The following ESYT2 variants were observed in gnomAD, a reference collection of about 807,000 sequenced individuals.
ESYT2 encodes the protein extended synaptotagmin-2.
Under a neutral mutation model 107.2 loss-of-function variants are expected in ESYT2, and 54 were observed. The observed-to-expected ratio is 0.50, with a 90% CI of 0.40 to 0.63. The LOEUF (loss-of-function observed/expected upper bound fraction) is 0.63. ESYT2 is among the 30% of genes least tolerant of loss of function. ESYT2 has a pLI of 0.00. For synonymous variants in ESYT2, 491 were observed against 434.1 expected (o/e 1.13, Z -1.63); for missense variants, 1,020 against 1,094.5 (o/e 0.93, Z 0.96).
At chr7:158,736,079 G>A (rs1053119765) in intron 20 of ESYT2, among the ~76,000 whole-genome samples, 3 of 152,218 alleles carry the variant, frequency 2.0e-5, no homozygotes, top group African/African-American at 4.8e-5. Context: ...AAGCACTCCC[G>A]ATGCTCAGCC....
intron 11 of ESYT2, 80 bp downstream of exon 11, chr7:158,761,416 G>A (rs995962961): frequency 2.5e-6 from 3 of 1,184,046 alleles, no homozygotes. Context: ...GATGGTGAAG[G>A]GGTGGTTCGT....
chr7:158,749,530 G>A lies in ESYT2; in HGVS notation c.1557+119C>T, dbSNP rs112563161. The A allele has an allele frequency of 1.4e-3, 1,158 of 849,488 alleles. 9 individuals are homozygous for A. In the African/African-American group the frequency reaches 0.018, roughly 13 times the overall value. The allele number at this position is 849,488 out of a possible 1,614,324, so 52.6% of individuals were successfully genotyped here. On this transcript the variant is annotated intron_variant, in intron 15 of 22. Transcript: ENST00000275418. Reference sequence around the variant, plus strand: ...AATAGATCTGAAAAGCCCTGGTCTCGATGCCCACGCTATCACACAACTGAA... The same window carrying A: ...AATAGATCTGAAAAGCCCTGGTCTCAATGCCCACGCTATCACACAACTGAA...
chr7:158,820,789 A>G (rs1222604718), intron 1 of ESYT2, among the ~76,000 whole-genome samples: 1 of 152,198 alleles, frequency 6.6e-6, no homozygotes, highest in Non-Finnish European at 1.5e-5. Context: ...TTGTGTCAAA[A>G]AATAAATAAA....
At chr7:158,773,832 A>T (rs1838458279) in intron 6 of ESYT2, among the ~76,000 whole-genome samples, 1 of 152,224 alleles carries the variant, frequency 6.6e-6, no homozygotes, top group Admixed American at 6.5e-5. Flanking sequence ...TGCCCTCCAA[A>T]AATACTGTAT....
At chr7:158,779,311 T>C (rs1046191966) in intron 6 of ESYT2, among the ~76,000 whole-genome samples, 7 of 152,152 alleles carry the variant, frequency 4.6e-5, no homozygotes, top group African/African-American at 1.4e-4. Flanking sequence ...TGTGAGGCTG[T>C]AGTAGTGTGC....
intron 19 of ESYT2, among the ~76,000 whole-genome samples, chr7:158,737,816 A>C (rs1837021698): frequency 6.6e-6 from 1 of 152,232 alleles, no homozygotes; most frequent in African/African-American, 2.4e-5. Flanking sequence ...ATAAGCACCA[A>C]ATTTTTATAT....
chr7:158,786,113 C>A (rs760759807), intron 6 of ESYT2, among the ~76,000 whole-genome samples: 1 of 151,600 alleles, frequency 6.6e-6, no homozygotes, highest in Non-Finnish European at 1.5e-5. Flanking sequence ...AACTTCTCAG[C>A]CCCATCCTTC....
At chr7:158,778,869 T>C (rs1206435201) in intron 6 of ESYT2, among the ~76,000 whole-genome samples, 1 of 151,578 alleles carries the variant, frequency 6.6e-6, no homozygotes, top group Non-Finnish European at 1.5e-5. Flanking sequence ...TTTAACATGC[T>C]CCCAAGAAAA....
intron 7 of ESYT2, 144 bp downstream of exon 7, chr7:158,773,197 T>C: frequency 1.1e-6 from 1 of 903,834 alleles, no homozygotes; most frequent in Non-Finnish European, 1.8e-6. Context: ...TACCCTCTGC[T>C]TGTTTCTCAC....
intron 6 of ESYT2, among the ~76,000 whole-genome samples, chr7:158,785,470 T>C (rs1039209065): frequency 1.4e-5 from 2 of 141,882 alleles, no homozygotes; most frequent in African/African-American, 5.5e-5. Context: ...AATAAATAAA[T>C]AAATCACCTC....
At chr7:158,770,507 T>TTA (rs200723436) in intron 7 of ESYT2, among the ~76,000 whole-genome samples, 11 of 150,106 alleles carry the variant, frequency 7.3e-5, no homozygotes, top group Admixed American at 1.3e-4. Context: ...ACATATACGA[T>TTA]TATATATATA....
At chr7:158,765,929 GT>G (rs1242279266) in intron 8 of ESYT2, among the ~76,000 whole-genome samples, 1 of 152,084 alleles carries the variant, frequency 6.6e-6, no homozygotes, top group African/African-American at 2.4e-5. Flanking sequence ...GCCAGGTGCG[GT>G]GACTCACGCC....
intron 6 of ESYT2, among the ~76,000 whole-genome samples, chr7:158,786,113 C>T (rs760759807): frequency 1.7e-4 from 26 of 151,600 alleles, no homozygotes; most frequent in Non-Finnish European, 2.9e-4. Flanking sequence ...AACTTCTCAG[C>T]CCCATCCTTC....
intron 8 of ESYT2, 56 bp downstream of exon 8, chr7:158,767,598 G>T: frequency 6.3e-7 from 1 of 1,580,138 alleles, no homozygotes; most frequent in Non-Finnish European, 8.6e-7. Flanking sequence ...CACACCCGCA[G>T]GCAGGCAGGT....
intron 2 of ESYT2, 112 bp downstream of exon 2, chr7:158,798,919 A>C: frequency 9.6e-7 from 1 of 1,044,042 alleles, no homozygotes; most frequent in Non-Finnish European, 1.4e-6. Flanking sequence ...CCAACCCACT[A>C]AAGTCCAAAC....
intron 1 of ESYT2, among the ~76,000 whole-genome samples, chr7:158,825,426 GC>G (rs1293849657): frequency 6.6e-6 from 1 of 152,226 alleles, no homozygotes; most frequent in Non-Finnish European, 1.5e-5. Context: ...AATTCATCCA[GC>G]CTGCCAGGCC....
At chr7:158,782,312 G>C (rs1463014940) in intron 6 of ESYT2, among the ~76,000 whole-genome samples, 3 of 150,684 alleles carry the variant, frequency 2.0e-5, no homozygotes, top group Non-Finnish European at 4.4e-5. Flanking sequence ...GAACAAGTGT[G>C]AGTGAACGAG....
At chr7:158,793,282 C>T (rs1339369134) in intron 4 of ESYT2, among the ~76,000 whole-genome samples, 3 of 152,090 alleles carry the variant, frequency 2.0e-5, no homozygotes, top group Non-Finnish European at 4.4e-5. Flanking sequence ...GCTGAATTAT[C>T]TTTGCATTCT....
chr7:158,786,353 T>C (rs1839115500), intron 6 of ESYT2, among the ~76,000 whole-genome samples: 1 of 152,224 alleles, frequency 6.6e-6, no homozygotes. Context: ...TTTGTTAAGA[T>C]TACTGAGGTT....
Sources: gnomAD v4.1 joint callset for allele counts (sites outside exome capture counted in the v4.1 genomes callset) on GRCh38, gnomAD v4.1.1 for gene constraint, MANE v1.5 for transcripts, NCBI Gene and HGNC (gene_info 2026-07-23, HGNC 2026-07-21) for gene names.